GPRIN2: variants seen among roughly 807,000 people sequenced by gnomAD.
GPRIN2 encodes the protein G protein regulated inducer of neurite outgrowth 2, also known as G protein-regulated inducer of neurite outgrowth 2.
Under a neutral mutation model 0.3 loss-of-function variants are expected in GPRIN2, and 1 was observed. That is an observed-to-expected ratio of 3.90 (90% confidence interval 1.39 to 18.51). GPRIN2 has a LOEUF of 18.51. Among genes scored for constraint, GPRIN2 ranks in the 30% most tolerant of loss-of-function variants. The pLI, the probability that GPRIN2 is intolerant of heterozygous loss-of-function variation, is 0.11. For missense variants in GPRIN2, 880 were observed against 604.2 expected, an observed-to-expected ratio of 1.46 and a Z score of -4.79; for synonymous variants, 361 against 258.6, an observed-to-expected ratio of 1.40 and a Z score of -3.80.
rs1832824848 is a variant in GPRIN2, at chr10:46,547,997, G to T, written c.*1363C>A. Among the ~76,000 whole-genome samples the T allele has an allele frequency of 6.6e-6, 1 of 152,426 alleles. No individual in the cohort carries two copies. The highest frequency in any genetic ancestry group is 2.4e-5 in the African/African-American group (1 of 41,606). ...CCTCAATGAGTACCAGGTCCTTGAG[G>T]ATGGGGAAAAGTAAGCCACCACTGT... On this transcript the variant is annotated 3_prime_UTR_variant, in exon 3 of 3. Coordinates refer to ENST00000374314, the MANE Select transcript of GPRIN2 (RefSeq NM_001385282.1).
chr10:46,557,047 C>CCA (rs1405157333), upstream of GPRIN2, among the ~76,000 whole-genome samples: 62 of 147,348 alleles, frequency 4.2e-4, no homozygotes, highest in African/African-American at 1.4e-3. Flanking sequence ...CTCCAGTTCC[C>CCA]CCTCCGCACC....
rs1832832892 is a variant in GPRIN2 at position 46,547,817 on chromosome 10, A to C, written c.*1543T>G. On this transcript the variant is annotated 3_prime_UTR_variant, in exon 3 of 3. Coordinates refer to ENST00000374314, the MANE Select transcript of GPRIN2 (RefSeq NM_001385282.1). Reference sequence around the variant, plus strand: ...AGAATCCCAAGGGGTGCACCTATGCATATGGGAAAGGCATGTTTACGGGTG... The same window carrying C: ...AGAATCCCAAGGGGTGCACCTATGCCTATGGGAAAGGCATGTTTACGGGTG... Among the ~76,000 whole-genome samples the C allele has an allele frequency of 4.6e-5, 7 of 152,418 alleles. No homozygotes were observed. The highest frequency in any genetic ancestry group is 4.1e-4 in the South Asian group (2 of 4,834).
chr10:46,548,869 C>T lies in GPRIN2; in HGVS notation c.*491G>A, dbSNP rs2133225337. On this transcript the variant is annotated 3_prime_UTR_variant, in exon 3 of 3. Coordinates refer to ENST00000374314, the MANE Select transcript of GPRIN2 (RefSeq NM_001385282.1). ...GATGAAGAGGTGAAGACAGGACAAG[C>T]ACAGTATGTGGCACACAGGAGGCCT... 6.6e-6 allele frequency among the ~76,000 whole-genome samples: 1 copy of T among 152,430 alleles called. No homozygotes were observed. The highest frequency in any genetic ancestry group is 2.4e-5 in the African/African-American group (1 of 41,610).
chr10:46,550,709 G>A lies in GPRIN2; in HGVS notation c.28C>T (p.Pro10Ser). 6.6e-7 allele frequency: 1 copy of A among 1,510,324 alleles called. No individual in the cohort carries two copies. Among genetic ancestry groups the A allele is most frequent in the African/African-American group, 1.4e-5 (1 of 71,530 alleles). 93.6% of individuals were successfully genotyped at this position (1,510,324 alleles called of 1,614,324 possible). Residue 10 changes from proline to serine, a missense_variant, in exon 3 of 3, where the codon CCC (proline) becomes TCC (serine). Pro to Ser is a moderately conservative substitution (Grantham distance 74). Transcript: ENST00000374314. ...AGGCGGGGGCTCAGGGGTGCCCAGGGACCCGGCTCGGGGCGGCTGGAGCTC... is the reference window on the plus strand; with the variant it reads ...AGGCGGGGGCTCAGGGGTGCCCAGGAACCCGGCTCGGGGCGGCTGGAGCTC... MSSSRPEPG[P>S]WAPLSPRLQP...
Position 46,549,181 on chromosome 10 carries a change from C to T in GPRIN2, c.*179G>A, listed in dbSNP as rs1842424831. The stretch of plus-strand genomic sequence containing the variant: ...GAAATCAAGCCCTTAAGAAAACAGC[C>T]CAGCTGTGTAGGGCCGGAAGCCCCA... On this transcript the variant is annotated 3_prime_UTR_variant, in exon 3 of 3. Coordinates refer to ENST00000374314, the MANE Select transcript of GPRIN2 (RefSeq NM_001385282.1). 8.8e-6 allele frequency: 7 copies of T among 798,234 alleles called. No individual in the cohort carries two copies. Among genetic ancestry groups the T allele is most frequent in the Non-Finnish European group, 1.3e-5 (7 of 541,794 alleles). The allele number at this position is 798,234 out of a possible 1,614,324, so 49.4% of individuals were successfully genotyped here.
At chr10:46,552,277 C>T (rs1183166466) in intron 2 of GPRIN2, among the ~76,000 whole-genome samples, 2 of 152,410 alleles carry the variant, frequency 1.3e-5, no homozygotes, top group East Asian at 1.9e-4. Context: ...TGGGCCACCT[C>T]GGCCCTGGCC....
In GPRIN2 at chr10:46,550,755, G is replaced by C; in HGVS notation, c.-6-13C>G. 1 of 1,496,810 alleles carries C rather than the reference G, an allele frequency of 6.7e-7. No homozygotes were observed. The highest frequency in any genetic ancestry group is 2.3e-5 in the East Asian group (1 of 42,698). 92.7% of individuals were successfully genotyped at this position (1,496,810 alleles called of 1,614,324 possible). ...AGCTCATGGCTGCCTGCAGAAGAGA[G>C]AAAGGGAGGGAGTGGAGTTGAGTTG... On this transcript the variant is annotated splice_polypyrimidine_tract_variant and intron_variant, in intron 2 of 2. Transcript: ENST00000374314.
At chr10:46,552,170 G>A (rs1344640137) in intron 2 of GPRIN2, among the ~76,000 whole-genome samples, 1 of 152,308 alleles carries the variant, frequency 6.6e-6, no homozygotes, top group Non-Finnish European at 1.5e-5. Flanking sequence ...CCTGGAGTGA[G>A]AGAAGCAAGA....
Position 46,542,099 on chromosome 10 carries a change from C to A in GPRIN2, c.*7261G>T, listed in dbSNP as rs1489516673. Among the ~76,000 whole-genome samples the A allele has an allele frequency of 6.6e-6, 1 of 152,310 alleles. No homozygotes were observed. Among genetic ancestry groups the A allele is most frequent in the Admixed American group, 6.5e-5 (1 of 15,294 alleles). On this transcript the variant is annotated 3_prime_UTR_variant, in exon 3 of 3. Transcript: ENST00000374314. ...CACAAAGCTTGTGTACAAAATGACA[C>A]CCTTGGCCACCATCTCCCAGTCTGT... is the stretch of plus-strand genomic sequence containing the variant.
Position 46,550,253 on chromosome 10 carries a change from A to T in GPRIN2, c.484T>A (p.Ser162Thr), listed in dbSNP as rs1555019429. The T allele has an allele frequency of 1.2e-6, 2 of 1,610,304 alleles. No individual in the cohort carries two copies. Among genetic ancestry groups the T allele is most frequent in the South Asian group, 2.2e-5 (2 of 90,870 alleles). Residue 162 changes from serine (S) to threonine (T), a missense_variant, in exon 3 of 3, where the codon TCT (serine) becomes ACT (threonine). Physicochemically the swap from Ser to Thr is moderately conservative, Grantham distance 58. Coordinates refer to ENST00000374314, the MANE Select transcript of GPRIN2 (RefSeq NM_001385282.1). ...HRAQLQPGGTSGQGGQAPAGL... is the reference protein window; with the variant it reads ...HRAQLQPGGTTGQGGQAPAGL... ...GCAGGGGCCTGGCCACCCTGGCCAG[A>T]AGTACCACCTGGCTGCAGCTGAGCC...
chr10:46,541,848 C>T lies in GPRIN2; in HGVS notation c.*7512G>A, dbSNP rs942121042. 6.6e-6 allele frequency among the ~76,000 whole-genome samples: 1 copy of T among 152,224 alleles called. No individual in the cohort carries two copies. Among genetic ancestry groups the T allele is most frequent in the Non-Finnish European group, 1.5e-5 (1 of 68,054 alleles). ...ATTTCAATAAAGCAGCATCCGACTT[C>T]CTGCCCAGCTGTCCTACGGTATCCC... On this transcript the variant is annotated 3_prime_UTR_variant, in exon 3 of 3. Transcript: ENST00000374314.
rs1841822748 is a variant in GPRIN2, at chr10:46,542,302, TA to T, written c.*7057del. Among the ~76,000 whole-genome samples the T allele has an allele frequency of 6.6e-6, 1 of 152,312 alleles. No individual in the cohort carries two copies. Among genetic ancestry groups the T allele is most frequent in the Admixed American group, 6.5e-5 (1 of 15,294 alleles). ...GCCTTGCTCAGGCCTGGGAGGGTGA[TA>T]TGCTTTGGCTGTGTCCCCACCCAAA... On this transcript the variant is annotated 3_prime_UTR_variant, in exon 3 of 3. Transcript: ENST00000374314.
At chr10:46,554,979 C>T (rs1223147595) in intron 1 of GPRIN2, among the ~76,000 whole-genome samples, 1 of 152,308 alleles carries the variant, frequency 6.6e-6, no homozygotes, top group African/African-American at 2.4e-5. Context: ...CAGAGTCTCG[C>T]TCTGTCTCCC....
rs1379915649 is a variant in GPRIN2 at position 46,544,540 on chromosome 10, T to G, written c.*4820A>C. On this transcript the variant is annotated 3_prime_UTR_variant, in exon 3 of 3. Coordinates refer to ENST00000374314, the MANE Select transcript of GPRIN2 (RefSeq NM_001385282.1). ...GATTTCTCCATGCTGCCCAAGCTGG[T>G]TTCGAACTCCTGAGCTCAAGCAGTC... is the stretch of plus-strand genomic sequence containing the variant. Among the ~76,000 whole-genome samples, 1 of 152,302 alleles carries G rather than the reference T, an allele frequency of 6.6e-6. No individual in the cohort carries two copies. The highest frequency in any genetic ancestry group is 1.9e-4 in the East Asian group (1 of 5,208).
chr10:46,552,882 G>C (rs891320227), intron 2 of GPRIN2, among the ~76,000 whole-genome samples: 1 of 152,294 alleles, frequency 6.6e-6, no homozygotes, highest in African/African-American at 2.4e-5. Flanking sequence ...ATCAGGAAGA[G>C]GAGGAGTAGC....
rs1332382744 is a variant in GPRIN2 at position 46,546,871 on chromosome 10, C to T, written c.*2489G>A. On this transcript the variant is annotated 3_prime_UTR_variant, in exon 3 of 3. Coordinates refer to ENST00000374314, the MANE Select transcript of GPRIN2 (RefSeq NM_001385282.1). Reference sequence around the variant, plus strand: ...ACAGGTGTTGGATTTCAGCACCGCTCTGCAAATACTCATCTCAGTGACGAT... The same window carrying T: ...ACAGGTGTTGGATTTCAGCACCGCTTTGCAAATACTCATCTCAGTGACGAT... Among the ~76,000 whole-genome samples, 2 of 152,312 alleles carry T rather than the reference C, an allele frequency of 1.3e-5. No individual in the cohort carries two copies.
chr10:46,550,844 C>T (rs1481465900), intron 2 of GPRIN2, 102 bp from the exon 3 acceptor site: 19 of 1,305,014 alleles, frequency 1.5e-5, no homozygotes, highest in Non-Finnish European at 1.9e-5. Flanking sequence ...CAGGGAGCCA[C>T]CTTCAGTCCC....
In GPRIN2 at chr10:46,549,695, C is replaced by T. The variant is rs1832622915; in HGVS notation, c.1042G>A (p.Val348Met). Reference sequence around the variant, plus strand: ...GCTTCCAGGGACGGACTGGTGGCCACAGCCTTGCAGGCCGCCACTGGGGCC... The same window carrying T: ...GCTTCCAGGGACGGACTGGTGGCCATAGCCTTGCAGGCCGCCACTGGGGCC... ...QAAPVAACKA[V>M]ATSPSLEAPA... Residue 348 changes from valine (V) to methionine (M), a missense_variant, in exon 3 of 3, where the codon GTG becomes ATG. Coordinates refer to ENST00000374314, the MANE Select transcript of GPRIN2 (RefSeq NM_001385282.1). 1.2e-6 allele frequency: 2 copies of T among 1,612,268 alleles called. No individual in the cohort carries two copies. Among genetic ancestry groups the T allele is most frequent in the African/African-American group, 2.7e-5 (2 of 74,834 alleles).
intron 2 of GPRIN2, among the ~76,000 whole-genome samples, chr10:46,553,453 C>T (rs1842835727): frequency 6.6e-6 from 1 of 152,308 alleles, no homozygotes. Context: ...AGGGAGGCCC[C>T]ATCTGGACAT....
Sources: allele counts gnomAD v4.1 joint callset (sites outside exome capture counted in the v4.1 genomes callset), GRCh38; gene constraint gnomAD v4.1.1; transcripts MANE v1.5; gene names NCBI Gene and HGNC (gene_info 2026-07-23, HGNC 2026-07-21).